NUAK1: variants seen among roughly 807,000 people sequenced by gnomAD.
NUAK1 encodes NUAK family SNF1-like kinase 1.
Under a neutral mutation model 56.9 loss-of-function variants are expected in NUAK1, and 26 were observed. That is an observed-to-expected ratio of 0.46 (90% CI 0.33 to 0.63). NUAK1 has a LOEUF of 0.63. NUAK1 is among the 30% of genes least tolerant of loss of function. The pLI is 0.02. For synonymous variants in NUAK1, 337 were observed against 336.0 expected (o/e 1.00, Z -0.03); for missense variants, 727 against 876.1 (o/e 0.83, Z 2.15).
At chr12:106,092,362 C>CA (rs1209987888) in intron 2 of NUAK1, among the ~76,000 whole-genome samples, 1 of 151,844 alleles carries the variant, frequency 6.6e-6, no homozygotes. Context: ...ACTAAATATA[C>CA]AAAAAATTAG....
chr12:106,085,373 T>A (rs2032560487), intron 3 of NUAK1, among the ~76,000 whole-genome samples: 1 of 152,172 alleles, frequency 6.6e-6, no homozygotes, highest in Admixed American at 6.5e-5. Context: ...TTCACATGAG[T>A]TAAGGGTTTT....
chr12:106,087,203 G>C (rs1592851837), intron 2 of NUAK1, among the ~76,000 whole-genome samples: 1 of 152,170 alleles, frequency 6.6e-6, no homozygotes, highest in South Asian at 2.1e-4. Context: ...CTTTCCTGTA[G>C]ACAGGATGAT....
intron 1 of NUAK1, among the ~76,000 whole-genome samples, chr12:106,108,539 T>A (rs1053443630): frequency 6.6e-5 from 10 of 152,186 alleles, no homozygotes; most frequent in Admixed American, 1.3e-4. Flanking sequence ...ACTGGATGGC[T>A]TTATTTTATC....
intron 2 of NUAK1, among the ~76,000 whole-genome samples, chr12:106,091,155 T>C (rs1372996604): frequency 6.6e-6 from 1 of 152,218 alleles, no homozygotes; most frequent in Non-Finnish European, 1.5e-5. Flanking sequence ...GTGTTTATGT[T>C]ATTAGTCACT....
At chr12:106,072,033 C>T (rs1592847973) in intron 5 of NUAK1, among the ~76,000 whole-genome samples, 1 of 152,190 alleles carries the variant, frequency 6.6e-6, no homozygotes, top group African/African-American at 2.4e-5. Context: ...ATAAAATTTC[C>T]ATATACCCAT....
intron 2 of NUAK1, chr12:106,104,173 C>G (rs2032776824): frequency 6.6e-6 from 1 of 151,700 alleles, no homozygotes; most frequent in Non-Finnish European, 1.5e-5. Context: ...TCAAGCTATT[C>G]TCCTGCCTCA....
chr12:106,135,367 G>A (rs750653253), intron 1 of NUAK1, among the ~76,000 whole-genome samples: 9 of 152,342 alleles, frequency 5.9e-5, no homozygotes, highest in Non-Finnish European at 8.8e-5. Flanking sequence ...ACACAGGGTC[G>A]CACCAGCTGA....
chr12:106,074,125 T>A (rs781172361), intron 4 of NUAK1, among the ~76,000 whole-genome samples: 5 of 152,044 alleles, frequency 3.3e-5, no homozygotes, highest in Admixed American at 1.3e-4. Context: ...AGGTTCCACA[T>A]CCTCCCCTTA....
In NUAK1 at chr12:106,067,135, C is replaced by T. The variant is rs2032349984; in HGVS notation, c.1653G>A (p.Leu551=). ...CCTCGGCAGGGACACCAGGCTCTGACAGGGATTCCAGTGTGGGCATTTCAG... is the reference window on the plus strand; with the variant it reads ...CCTCGGCAGGGACACCAGGCTCTGATAGGGATTCCAGTGTGGGCATTTCAG... ...VSPEMPTLES[L]SEPGVPAEGL... The change falls in exon 7 of 7, where the codon CTG becomes CTA. Residue 551 remains leucine (L), a synonymous_variant. Coordinates refer to ENST00000261402, the MANE Select transcript of NUAK1 (RefSeq NM_014840.3). This position sits in a 1 kb window ranked among gnomAD's most constrained non-coding sequence, Gnocchi z 6.0. 6.2e-7 allele frequency: 1 copy of T among 1,614,204 alleles called. No homozygotes were observed. The highest frequency in any genetic ancestry group is 8.5e-7 in the Non-Finnish European group (1 of 1,180,036).
Position 106,066,830 on chromosome 12 carries a change from G to A in NUAK1, c.1958C>T (p.Ala653Val), listed in dbSNP as rs757681052. 53 of 1,612,392 alleles carry A rather than the reference G, an allele frequency of 3.3e-5. No homozygotes were observed. The highest frequency in any genetic ancestry group is 3.3e-4 in the Middle Eastern group (2 of 6,076). The change falls in exon 7 of 7, where the codon GCG (alanine) becomes GTG (valine). Residue 653 changes from alanine (A) to valine (V), a missense_variant. Ala to Val is a moderately conservative substitution (Grantham distance 64, BLOSUM62 0). Transcript: ENST00000261402. Reference protein sequence around the residue: ...MDDVTQVYKQALEICSKLN With the variant: ...MDDVTQVYKQVLEICSKLN ...GTTGAGCTTGCTGCAGATCTCCAGC[G>A]CTTGCTTGTAGACCTGAGTCACATC... is the stretch of plus-strand genomic sequence containing the variant.
At chr12:106,097,920 A>AG (rs1304885650) in intron 2 of NUAK1, among the ~76,000 whole-genome samples, 1 of 152,204 alleles carries the variant, frequency 6.6e-6, no homozygotes. Flanking sequence ...GTGATTTTCC[A>AG]GGGGCACAGG....
At chr12:106,095,955 C>T (rs75733049) in intron 2 of NUAK1, among the ~76,000 whole-genome samples, 8,344 of 152,174 alleles carry the variant, frequency 0.055, 388 homozygotes, top group African/African-American at 0.12. Context: ...AATTCCCAGA[C>T]TCGGCAGGTT....
At chr12:106,098,387 T>C (rs1375673446) in intron 2 of NUAK1, among the ~76,000 whole-genome samples, 2 of 152,164 alleles carry the variant, frequency 1.3e-5, no homozygotes, top group Non-Finnish European at 2.9e-5. Flanking sequence ...TTCAAATGCT[T>C]ATCAAAGGAC....
chr12:106,100,393 C>A (rs894023731), intron 2 of NUAK1, among the ~76,000 whole-genome samples: 6 of 152,092 alleles, frequency 3.9e-5, no homozygotes, highest in African/African-American at 1.4e-4. Flanking sequence ...TGAGCATTTG[C>A]GCATGCTGTT....
intron 5 of NUAK1, 28 bp from the exon 6 acceptor site, chr12:106,070,934 A>T (rs564781776): frequency 6.2e-7 from 1 of 1,613,462 alleles, no homozygotes; most frequent in East Asian, 2.2e-5. Context: ...CACATATAGG[A>T]GAGCTGGGAA....
intron 1 of NUAK1, among the ~76,000 whole-genome samples, chr12:106,121,133 G>A (rs1258592293): frequency 2.0e-5 from 3 of 152,186 alleles, no homozygotes; most frequent in South Asian, 2.1e-4. Context: ...AACCCACAGC[G>A]GGGTCAGGCA....
Position 106,117,153 on chromosome 12 carries a change from CT to C in NUAK1, c.241-10629del, listed in dbSNP as rs2032926088. On this transcript the variant is annotated intron_variant, in intron 1 of 6. Transcript: ENST00000261402. The stretch of plus-strand genomic sequence containing the variant: ...AGGACTATTCCTACCCCCAAGATGC[CT>C]TTTGAAAGAGACCAAGATACTTCAC... 2.0e-5 allele frequency among the ~76,000 whole-genome samples: 3 copies of C among 152,274 alleles called. No homozygotes were observed. The South Asian group carries it at 6.2e-4, about 32-fold the overall frequency.
rs1592861173 is a variant in NUAK1 at position 106,119,363 on chromosome 12, G to A, written c.241-12838C>T. 2.6e-5 allele frequency among the ~76,000 whole-genome samples: 4 copies of A among 152,266 alleles called. No individual in the cohort carries two copies. The South Asian group carries it at 8.3e-4, about 32-fold the overall frequency. ...CCAAGGTGGCTCATCCTGTTACCCA[G>A]AAAACACGACTTCATGCTTGGAGCG... On this transcript the variant is annotated intron_variant, in intron 1 of 6. Coordinates refer to ENST00000261402, the MANE Select transcript of NUAK1 (RefSeq NM_014840.3).
chr12:106,123,763 C>A (rs1380540865), intron 1 of NUAK1, among the ~76,000 whole-genome samples: 2 of 152,178 alleles, frequency 1.3e-5, no homozygotes, highest in African/African-American at 2.4e-5. Flanking sequence ...CAGGATCACA[C>A]CACCATCTGC....
Sources: allele counts gnomAD v4.1 joint callset (sites outside exome capture counted in the v4.1 genomes callset), GRCh38; gene constraint gnomAD v4.1.1; non-coding constraint Gnocchi (gnomAD v3.1); transcripts MANE v1.5; gene names NCBI Gene and HGNC (gene_info 2026-07-23, HGNC 2026-07-21).